The following INPP4B variants were observed in gnomAD, a reference collection of about 807,000 sequenced individuals.
The protein encoded by INPP4B is inositol polyphosphate-4-phosphatase type II B.
Under a neutral mutation model 122.5 loss-of-function variants are expected in INPP4B, and 55 were observed. That is an observed-to-expected ratio of 0.45 (90% CI 0.36 to 0.56). INPP4B has a LOEUF of 0.56. INPP4B is among the 20% of genes least tolerant of loss of function. The pLI is 0.00. For missense variants in INPP4B, 1,000 were observed against 1,097.7 expected (o/e 0.91, Z 1.26); for synonymous variants, 403 against 388.7 (o/e 1.04, Z -0.43).
rs370428700 is a variant in INPP4B at position 142,619,500 on chromosome 4, T to C, written c.-191+106339A>G. ...AATAAGCCAGTCACAGAAGAATAAA[T>C]GCTGGATAATACTACTTAAAGGAGT... On this transcript the variant is annotated intron_variant, in intron 2 of 25. Transcript: ENST00000262992. 3.3e-5 allele frequency among the ~76,000 whole-genome samples: 5 copies of C among 151,986 alleles called. No individual in the cohort carries two copies. In the East Asian group the frequency reaches 9.7e-4, roughly 29 times the overall value.
At chr4:142,430,240 G>A (rs1015117965) in intron 4 of INPP4B, among the ~76,000 whole-genome samples, 1 of 151,868 alleles carries the variant, frequency 6.6e-6, no homozygotes, top group Non-Finnish European at 1.5e-5. Flanking sequence ...CTGACATTTA[G>A]CAATTGCTTT....
chr4:142,591,554 G>T (rs944178282), intron 2 of INPP4B, among the ~76,000 whole-genome samples: 1 of 151,992 alleles, frequency 6.6e-6, no homozygotes, highest in African/African-American at 2.4e-5. Context: ...CAAGGAGGTG[G>T]AGCAGAACTC....
At chr4:142,113,299 T>C (rs1791210223) in intron 21 of INPP4B, among the ~76,000 whole-genome samples, 1 of 151,880 alleles carries the variant, frequency 6.6e-6, no homozygotes, top group Non-Finnish European at 1.5e-5. Context: ...TTAGGATTAG[T>C]ACAATATGAT....
At chr4:142,243,526 C>G (rs1860576110) in intron 11 of INPP4B, among the ~76,000 whole-genome samples, 1 of 152,146 alleles carries the variant, frequency 6.6e-6, no homozygotes, top group Non-Finnish European at 1.5e-5. Flanking sequence ...ATGTTATAAG[C>G]CAAGATGGCC....
At chr4:142,651,598 C>A (rs189791159) in intron 2 of INPP4B, among the ~76,000 whole-genome samples, 1 of 152,064 alleles carries the variant, frequency 6.6e-6, no homozygotes, top group African/African-American at 2.4e-5. Flanking sequence ...AACATTTCTA[C>A]GCAAATAAAC....
At chr4:142,657,721 T>C (rs558821582) in intron 2 of INPP4B, among the ~76,000 whole-genome samples, 1 of 152,318 alleles carries the variant, frequency 6.6e-6, no homozygotes, top group East Asian at 1.9e-4. Context: ...TGTAAACATA[T>C]TGACTAAATA....
At chr4:142,527,468 G>C (rs571934764) in intron 2 of INPP4B, among the ~76,000 whole-genome samples, 1 of 152,032 alleles carries the variant, frequency 6.6e-6, no homozygotes, top group Non-Finnish European at 1.5e-5. Flanking sequence ...ACTGTTCTTC[G>C]ATATGTTTGA....
At chr4:142,653,766 TTGG>T (rs1174332747) in intron 2 of INPP4B, among the ~76,000 whole-genome samples, 2 of 152,158 alleles carry the variant, frequency 1.3e-5, no homozygotes, top group Non-Finnish European at 2.9e-5. Flanking sequence ...TTTTACACTA[TTGG>T]TGGGAGTGTA....
At chr4:142,188,512 A>AT (rs1188321189) in intron 15 of INPP4B, among the ~76,000 whole-genome samples, 2,128 of 31,162 alleles carry the variant, frequency 0.068, 116 homozygotes, top group Admixed American at 0.13. Flanking sequence ...AAAAAAAAAG[A>AT]AAAAAAATAT....
At chr4:142,181,465 T>C (rs558419956) in intron 15 of INPP4B, among the ~76,000 whole-genome samples, 1 of 152,342 alleles carries the variant, frequency 6.6e-6, no homozygotes, top group South Asian at 2.1e-4. Context: ...CTTATTAACC[T>C]TTCCAACACA....
At chr4:142,469,124 C>A (rs1818344669) in intron 2 of INPP4B, among the ~76,000 whole-genome samples, 1 of 148,218 alleles carries the variant, frequency 6.7e-6, no homozygotes. Flanking sequence ...TTCAGGTCAA[C>A]AGAAAAACTG....
At chr4:142,088,524 G>A (rs974097165) in intron 23 of INPP4B, among the ~76,000 whole-genome samples, 1 of 149,144 alleles carries the variant, frequency 6.7e-6, no homozygotes, top group Non-Finnish European at 1.5e-5. Context: ...GTGTGTGCAC[G>A]TGCACATGCA....
At chr4:142,679,364 G>C (rs1028766410) in intron 2 of INPP4B, among the ~76,000 whole-genome samples, 1 of 151,738 alleles carries the variant, frequency 6.6e-6, no homozygotes, top group Non-Finnish European at 1.5e-5. Flanking sequence ...GAAATAGTGA[G>C]GGTATTTGTT....
intron 1 of INPP4B, among the ~76,000 whole-genome samples, chr4:142,784,279 C>G (rs1690866296): frequency 1.3e-5 from 2 of 151,808 alleles, no homozygotes; most frequent in African/African-American, 4.8e-5. Flanking sequence ...AGGAGAATTG[C>G]TTGAACCCAG....
chr4:142,109,812 CT>C (rs1168431849), intron 22 of INPP4B, among the ~76,000 whole-genome samples: 1 of 152,048 alleles, frequency 6.6e-6, no homozygotes, highest in African/African-American at 2.4e-5. Flanking sequence ...TGGATTACAC[CT>C]TCTTTCAGGA....
intron 7 of INPP4B, among the ~76,000 whole-genome samples, chr4:142,358,705 A>G (rs1042984143): frequency 9.9e-5 from 15 of 150,786 alleles, no homozygotes; most frequent in African/African-American, 3.4e-4. Flanking sequence ...GCCAAGGTTG[A>G]GAGCCATGTC....
intron 18 of INPP4B, among the ~76,000 whole-genome samples, chr4:142,130,151 AG>A (rs1311675377): frequency 1.3e-5 from 2 of 152,210 alleles, no homozygotes; most frequent in East Asian, 3.9e-4. Flanking sequence ...GCAAACTTAA[AG>A]GAAGTCACAT....
At chr4:142,635,026 C>A (rs1178223940) in intron 2 of INPP4B, among the ~76,000 whole-genome samples, 1 of 151,762 alleles carries the variant, frequency 6.6e-6, no homozygotes, top group Non-Finnish European at 1.5e-5. Context: ...GAAAAACAAC[C>A]CCATTCAAAA....
At chr4:142,373,342 T>C (rs961976077) in intron 7 of INPP4B, among the ~76,000 whole-genome samples, 2 of 152,038 alleles carry the variant, frequency 1.3e-5, no homozygotes, top group African/African-American at 4.8e-5. Context: ...TTTCGTGAAA[T>C]TGTTGGAATT....
Sources: allele counts gnomAD v4.1 joint callset (sites outside exome capture counted in the v4.1 genomes callset), GRCh38; gene constraint gnomAD v4.1.1; transcripts MANE v1.5; gene names NCBI Gene and HGNC (gene_info 2026-07-23, HGNC 2026-07-21).